GPC5: variants seen among roughly 807,000 people sequenced by gnomAD.
GPC5 encodes the protein glypican-5.
In GPC5, 47 loss-of-function variants were observed where a neutral mutation model predicts 53.9. That is an observed-to-expected ratio of 0.87 (90% confidence interval 0.69 to 1.11). The LOEUF (loss-of-function observed/expected upper bound fraction) is 1.11, where lower values mean the gene tolerates loss of function less well. Ranked by LOEUF, GPC5 falls within the 50% of genes most tolerant of loss-of-function variation. The pLI is 0.00. For missense variants in GPC5, 748 were observed against 713.1 expected, an observed-to-expected ratio of 1.05 and a Z score of -0.56; for synonymous variants, 286 against 263.3, an observed-to-expected ratio of 1.09 and a Z score of -0.84.
intron 5 of GPC5, among the ~76,000 whole-genome samples, chr13:91,764,298 C>A (rs1191258507): frequency 6.6e-6 from 1 of 152,118 alleles, no homozygotes; most frequent in Non-Finnish European, 1.5e-5. Context: ...GCAATAATTG[C>A]GTGGTATATC....
intron 2 of GPC5, among the ~76,000 whole-genome samples, chr13:91,615,242 A>G (rs553591441): frequency 2.0e-5 from 3 of 152,170 alleles, no homozygotes; most frequent in Non-Finnish European, 4.4e-5. Flanking sequence ...GTTTACATCT[A>G]TTTACCATCC....
At chr13:92,061,673 C>T (rs566499127) in intron 6 of GPC5, among the ~76,000 whole-genome samples, 9 of 152,068 alleles carry the variant, frequency 5.9e-5, no homozygotes, top group Admixed American at 5.2e-4. Flanking sequence ...TGTAAATGGA[C>T]TCTATGAACA....
chr13:92,696,033 CT>C (rs1342349130), intron 7 of GPC5, among the ~76,000 whole-genome samples: 1 of 152,096 alleles, frequency 6.6e-6, no homozygotes, highest in African/African-American at 2.4e-5. Flanking sequence ...TGAACTCATC[CT>C]TTTTTATGGC....
intron 4 of GPC5, among the ~76,000 whole-genome samples, chr13:91,753,208 G>A (rs189168239): frequency 7.9e-5 from 12 of 152,208 alleles, no homozygotes; most frequent in East Asian, 1.9e-4. Context: ...TGATTAATCC[G>A]TATATTACAT....
intron 3 of GPC5, among the ~76,000 whole-genome samples, chr13:91,722,293 C>T (rs957521871): frequency 5.9e-5 from 9 of 152,242 alleles, no homozygotes; most frequent in Admixed American, 2.6e-4. Flanking sequence ...TCTTATTTAA[C>T]GACATTGGCC....
At chr13:91,474,624 T>A (rs942100859) in intron 2 of GPC5, among the ~76,000 whole-genome samples, 4 of 152,214 alleles carry the variant, frequency 2.6e-5, no homozygotes, top group African/African-American at 9.6e-5. Flanking sequence ...ATATACCTAA[T>A]TAAATTGCCC....
chr13:92,446,835 G>A (rs1357170478), intron 7 of GPC5: 4 of 152,142 alleles, frequency 2.6e-5, no homozygotes, highest in African/African-American at 9.7e-5. Flanking sequence ...TAACTGGGGT[G>A]AGATGACATC....
intron 7 of GPC5, among the ~76,000 whole-genome samples, chr13:92,363,271 C>A (rs1055585786): frequency 6.6e-6 from 1 of 151,542 alleles, no homozygotes; most frequent in South Asian, 2.1e-4. Flanking sequence ...TGTTACTGGG[C>A]TACTGGATAG....
intron 7 of GPC5, among the ~76,000 whole-genome samples, chr13:92,502,192 C>T (rs1429182302): frequency 6.6e-6 from 1 of 151,946 alleles, no homozygotes; most frequent in Non-Finnish European, 1.5e-5. Flanking sequence ...ACTGGACACA[C>T]ACACACATGT....
rs181726370 is a variant in GPC5, at chr13:92,306,329, A to G, written c.1561+161340A>G. On this transcript the variant is annotated intron_variant, in intron 7 of 7. Transcript: ENST00000377067. ...AATGCCTCTGCAATATAATTTGCAA[A>G]TTAAAGGTGGACCTTCTTTTGAGAT... 4.2e-3 allele frequency among the ~76,000 whole-genome samples: 635 copies of G among 152,270 alleles called. 4 individuals carry two copies. Among genetic ancestry groups the G allele is most frequent in the Non-Finnish European group, 3.8e-3 (256 of 68,024 alleles).
In GPC5 at chr13:92,262,485, AG is replaced by A. The variant is rs2042773783; in HGVS notation, c.1561+117498del. On this transcript the variant is annotated intron_variant, in intron 7 of 7. Transcript: ENST00000377067. ...ATTCTCTAGCTTTCTTTCAGAGTGA[AG>A]GAGTTTGAGCCAGGAGGCCAAGAAA... 2.6e-5 allele frequency among the ~76,000 whole-genome samples: 4 copies of A among 152,202 alleles called. No individual in the cohort carries two copies. In the South Asian group the frequency reaches 8.3e-4, roughly 31 times the overall value.
chr13:91,531,838 T>A (rs1426413423), intron 2 of GPC5, among the ~76,000 whole-genome samples: 1 of 152,258 alleles, frequency 6.6e-6, no homozygotes, highest in East Asian at 1.9e-4. Flanking sequence ...TTCAACTTGA[T>A]GTTTTCTTGT....
intron 7 of GPC5, among the ~76,000 whole-genome samples, chr13:92,864,904 C>T (rs1879293775): frequency 6.6e-6 from 1 of 151,666 alleles, no homozygotes; most frequent in South Asian, 2.1e-4. Context: ...TTGACTTTTC[C>T]TTATATGAAG....
intron 5 of GPC5, among the ~76,000 whole-genome samples, chr13:91,907,195 A>G (rs2039562191): frequency 6.7e-6 from 1 of 149,262 alleles, no homozygotes; most frequent in Admixed American, 6.7e-5. Flanking sequence ...GTATACTGCC[A>G]AATCCCTAAT....
chr13:92,674,785 T>C (rs1301315638), intron 7 of GPC5, among the ~76,000 whole-genome samples: 1 of 152,100 alleles, frequency 6.6e-6, no homozygotes, highest in Non-Finnish European at 1.5e-5. Context: ...TTTCACAACC[T>C]CAAATTATAG....
At chr13:91,549,880 A>G (rs1262630781) in intron 2 of GPC5, among the ~76,000 whole-genome samples, 1 of 152,152 alleles carries the variant, frequency 6.6e-6, no homozygotes, top group Non-Finnish European at 1.5e-5. Context: ...ATACTCTTAC[A>G]CTATCCAGCA....
chr13:91,636,828 C>A (rs994137674), intron 2 of GPC5, among the ~76,000 whole-genome samples: 1 of 151,968 alleles, frequency 6.6e-6, no homozygotes, highest in Non-Finnish European at 1.5e-5. Context: ...CATGGTGGTG[C>A]GTGCCTGTAG....
At chr13:92,246,130 G>T (rs1370618888) in intron 7 of GPC5, among the ~76,000 whole-genome samples, 2 of 151,910 alleles carry the variant, frequency 1.3e-5, no homozygotes, top group Non-Finnish European at 2.9e-5. Flanking sequence ...TTCTTTTTGA[G>T]CTGAATATTT....
intron 7 of GPC5, among the ~76,000 whole-genome samples, chr13:92,776,206 C>G (rs531868508): frequency 9.9e-5 from 15 of 152,096 alleles, no homozygotes; most frequent in Non-Finnish European, 1.3e-4. Context: ...GCTCATGGCT[C>G]CCTCCTCTAT....
Sources: allele counts gnomAD v4.1 joint callset (sites outside exome capture counted in the v4.1 genomes callset), GRCh38; gene constraint gnomAD v4.1.1; transcripts MANE v1.5; gene names NCBI Gene and HGNC (gene_info 2026-07-23, HGNC 2026-07-21).